The following PTPRZ1 variants were observed in gnomAD, a reference collection of about 807,000 sequenced individuals.
PTPRZ1 encodes the protein receptor-type tyrosine-protein phosphatase zeta.
Under a neutral mutation model 214.1 loss-of-function variants are expected in PTPRZ1, and 82 were observed. The observed-to-expected ratio is 0.38, with a 90% CI of 0.32 to 0.46. PTPRZ1 has a LOEUF of 0.46. PTPRZ1 is among the 20% of genes least tolerant of loss of function. The pLI, the probability that PTPRZ1 is intolerant of heterozygous loss-of-function variation, is 1.00. For synonymous variants in PTPRZ1, 945 were observed against 987.9 expected, an observed-to-expected ratio of 0.96 and a Z score of 0.81; for missense variants, 2,603 against 2,748.7, an observed-to-expected ratio of 0.95 and a Z score of 1.19.
chr7:121,930,888 AG>A (rs1388815467), intron 2 of PTPRZ1, among the ~76,000 whole-genome samples: 10 of 152,204 alleles, frequency 6.6e-5, no homozygotes, highest in African/African-American at 2.4e-4. Flanking sequence ...GAAACATGTC[AG>A]GAGGGACTAA....
chr7:122,044,328 T>A (rs971532964), intron 22 of PTPRZ1, 94 bp from the exon 23 acceptor site: 1 of 1,447,118 alleles, frequency 6.9e-7, no homozygotes, highest in Admixed American at 1.9e-5. Flanking sequence ...TCTGTAAAAC[T>A]CTCCTTGTCT....
At chr7:121,977,047 T>G (rs1330472028) in intron 6 of PTPRZ1, among the ~76,000 whole-genome samples, 196 bp downstream of exon 6, 3 of 152,212 alleles carry the variant, frequency 2.0e-5, no homozygotes, top group Non-Finnish European at 4.4e-5. Flanking sequence ...AAAATTTTGT[T>G]ACATCAAAAG....
chr7:121,977,876 T>G (rs1052622206), intron 6 of PTPRZ1, among the ~76,000 whole-genome samples: 1 of 152,116 alleles, frequency 6.6e-6, no homozygotes, highest in African/African-American at 2.4e-5. Flanking sequence ...TTGTTTGAAT[T>G]CCTATACTTA....
chr7:121,881,634 T>TTC (rs1262469720), intron 1 of PTPRZ1, among the ~76,000 whole-genome samples: 2 of 152,178 alleles, frequency 1.3e-5, no homozygotes, highest in African/African-American at 4.8e-5. Context: ...AAATTTTCCC[T>TTC]TCTCTCTCTC....
intron 14 of PTPRZ1, among the ~76,000 whole-genome samples, chr7:122,029,427 TTTAA>T (rs1171440166): frequency 6.6e-6 from 1 of 152,012 alleles, no homozygotes; most frequent in Non-Finnish European, 1.5e-5. Flanking sequence ...AAGCCACTTA[TTTAA>T]TTAACATTTT....
chr7:121,930,692 A>C (rs1285057122), intron 2 of PTPRZ1, among the ~76,000 whole-genome samples: 1 of 152,146 alleles, frequency 6.6e-6, no homozygotes, highest in Non-Finnish European at 1.5e-5. Flanking sequence ...TTTTGTATGT[A>C]CTACCAATTG....
intron 13 of PTPRZ1, 69 bp from the exon 14 acceptor site, chr7:122,028,483 C>A: frequency 8.3e-7 from 1 of 1,207,230 alleles, no homozygotes; most frequent in Non-Finnish European, 1.2e-6. Flanking sequence ...TCAAAATTTT[C>A]AAGCAGCTCA....
At chr7:121,998,312 T>G (rs769788047) in intron 10 of PTPRZ1, among the ~76,000 whole-genome samples, 3 of 152,216 alleles carry the variant, frequency 2.0e-5, no homozygotes, top group Non-Finnish European at 4.4e-5. Flanking sequence ...ATGTTGAGAC[T>G]GTTATTTTGG....
chr7:121,873,957 T>A (rs2116120452), intron 1 of PTPRZ1, among the ~76,000 whole-genome samples: 1 of 152,226 alleles, frequency 6.6e-6, no homozygotes, highest in Admixed American at 6.5e-5. Context: ...CTGTGTACTG[T>A]ACTGTCTTTT....
chr7:121,873,311 C>A lies in PTPRZ1; in HGVS notation c.-189C>A. 3.7e-6 allele frequency: 2 copies of A among 545,778 alleles called. No homozygotes were observed. Among genetic ancestry groups the A allele is most frequent in the South Asian group, 2.4e-5 (1 of 42,022 alleles). 33.8% of individuals were successfully genotyped at this position (545,778 alleles called of 1,614,324 possible). A position where few individuals can be genotyped will look rare whatever the true frequency, so the allele number is the denominator to read the frequency against. ...TCTGACTGTCTCTCTCTGTCTCTGT[C>A]TCTGTCTCTCTCTCTCTCACACACA... On this transcript the variant is annotated 5_prime_UTR_variant, in exon 1 of 30. Coordinates refer to ENST00000393386, the MANE Select transcript of PTPRZ1 (RefSeq NM_002851.3).
rs146348857 is a variant in PTPRZ1 at position 121,967,957 on chromosome 7, T to C, written c.131T>C (p.Leu44Pro). ...TACTCCTTCTTTTCCCTAGGAGCAC[T>C]GAATCAAAAAAATTGGGGAAAGAAA... is the stretch of plus-strand genomic sequence containing the variant. Reference protein sequence around the residue: ...EEIGWSYTGALNQKNWGKKYP... With the variant: ...EEIGWSYTGAPNQKNWGKKYP... The change falls in exon 3 of 30, where the codon CTG (leucine) becomes CCG (proline). Residue 44 changes from leucine to proline, a missense_variant. By Grantham distance (98) the Leu-to-Pro change is moderately conservative (BLOSUM62 -3). Transcript: ENST00000393386. The C allele has an allele frequency of 5.6e-5, 88 of 1,570,114 alleles. No individual in the cohort carries two copies. Among genetic ancestry groups the C allele is most frequent in the Non-Finnish European group, 6.6e-5 (76 of 1,148,690 alleles).
chr7:122,056,846 C>A (rs932558510), intron 27 of PTPRZ1, among the ~76,000 whole-genome samples: 1 of 151,770 alleles, frequency 6.6e-6, no homozygotes, highest in Non-Finnish European at 1.5e-5. Context: ...TATCAGTTAA[C>A]CCTTGTCTTT....
At chr7:121,879,900 A>G (rs1286534538) in intron 1 of PTPRZ1, among the ~76,000 whole-genome samples, 2 of 135,156 alleles carry the variant, frequency 1.5e-5, no homozygotes, top group Non-Finnish European at 3.2e-5. Context: ...TTTTGTTGCT[A>G]TTTCCTCTTC....
intron 8 of PTPRZ1, among the ~76,000 whole-genome samples, chr7:121,994,511 A>C (rs939399407): frequency 6.6e-6 from 1 of 152,008 alleles, no homozygotes; most frequent in African/African-American, 2.4e-5. Context: ...AGCCAAAATT[A>C]ATGCATTTCC....
intron 12 of PTPRZ1, 89 bp from the exon 13 acceptor site, chr7:122,019,035 G>A: frequency 8.0e-7 from 1 of 1,255,616 alleles, no homozygotes; most frequent in Non-Finnish European, 1.1e-6. Flanking sequence ...GTAAGTAACA[G>A]CAATGAAGGT....
intron 1 of PTPRZ1, among the ~76,000 whole-genome samples, chr7:121,874,790 A>T (rs1479610253): frequency 6.6e-6 from 1 of 152,194 alleles, no homozygotes; most frequent in African/African-American, 2.4e-5. Context: ...CATGCAAGGG[A>T]ATCTCTGGTC....
chr7:122,026,944 A>G (rs763789594), intron 13 of PTPRZ1, among the ~76,000 whole-genome samples: 1 of 152,220 alleles, frequency 6.6e-6, no homozygotes, highest in Non-Finnish European at 1.5e-5. Context: ...CTAAAGACTA[A>G]CACTGCAATG....
chr7:122,039,719 C>A lies in PTPRZ1; in HGVS notation c.5637+131C>A, dbSNP rs1422404452. 4.4e-6 allele frequency: 5 copies of A among 1,140,910 alleles called. No homozygotes were observed. The Admixed American group carries it at 1.0e-4, about 23-fold the overall frequency. The allele number at this position is 1,140,910 out of a possible 1,614,324, so 70.7% of individuals were successfully genotyped here. On this transcript the variant is annotated intron_variant, in intron 20 of 29. Coordinates refer to ENST00000393386, the MANE Select transcript of PTPRZ1 (RefSeq NM_002851.3). ...GGCATTAAAAATTCTTGTAACCAGG[C>A]CAGGTGCATGGCTTATGCCTGTAAT...
chr7:121,979,638 G>A (rs117274857), intron 6 of PTPRZ1, among the ~76,000 whole-genome samples: 1 of 152,152 alleles, frequency 6.6e-6, no homozygotes, highest in Non-Finnish European at 1.5e-5. Context: ...TCCACCATTA[G>A]CCTTCTCATG....
Sources: gnomAD v4.1 joint callset for allele counts (sites outside exome capture counted in the v4.1 genomes callset) on GRCh38, gnomAD v4.1.1 for gene constraint, MANE v1.5 for transcripts, NCBI Gene and HGNC (gene_info 2026-07-23, HGNC 2026-07-21) for gene names.